PRKG1: variants seen among roughly 807,000 people sequenced by gnomAD.
PRKG1 encodes cGMP-dependent protein kinase 1.
PRKG1 carries 35 observed loss-of-function variants against 88.1 expected under a neutral mutation model. The observed-to-expected ratio is 0.40, with a 90% CI of 0.30 to 0.53. The LOEUF is 0.53. Among genes scored for constraint, PRKG1 ranks in the 20% least tolerant of loss-of-function variants. The pLI, the probability that PRKG1 is intolerant of heterozygous loss-of-function variation, is 0.59. For missense variants in PRKG1, 540 were observed against 839.8 expected, an observed-to-expected ratio of 0.64 and a Z score of 4.41; for synonymous variants, 303 against 292.5, an observed-to-expected ratio of 1.04 and a Z score of -0.37.
At chr10:51,150,061 A>T (rs554263191) in intron 1 of PRKG1, among the ~76,000 whole-genome samples, 1 of 152,282 alleles carries the variant, frequency 6.6e-6, no homozygotes, top group East Asian at 1.9e-4. Context: ...AAAAATAAAT[A>T]ATTTGTACAC....
intron 3 of PRKG1, among the ~76,000 whole-genome samples, chr10:51,748,817 T>A (rs1315008332): frequency 6.6e-6 from 1 of 152,188 alleles, no homozygotes; most frequent in Non-Finnish European, 1.5e-5. Flanking sequence ...TAACCAAACA[T>A]ATGTAACACT....
At chr10:51,260,718 C>T (rs1839683665) in intron 2 of PRKG1, among the ~76,000 whole-genome samples, 1 of 152,070 alleles carries the variant, frequency 6.6e-6, no homozygotes, top group Admixed American at 6.6e-5. Context: ...GAGCAAATAC[C>T]AAGTCCGAAA....
chr10:51,683,130 C>T (rs889630861), intron 3 of PRKG1, among the ~76,000 whole-genome samples: 30 of 152,124 alleles, frequency 2.0e-4, no homozygotes, highest in African/African-American at 7.0e-4. Flanking sequence ...ATAAGCTAAA[C>T]AAATAGCCAG....
At chr10:51,168,078 A>T (rs2132002015) in intron 2 of PRKG1, among the ~76,000 whole-genome samples, 1 of 152,330 alleles carries the variant, frequency 6.6e-6, no homozygotes, top group South Asian at 2.1e-4. Flanking sequence ...TATTTTTAGT[A>T]AACTGAAAAT....
intron 1 of PRKG1, among the ~76,000 whole-genome samples, chr10:51,121,959 A>C (rs1180975907): frequency 1.3e-5 from 2 of 152,172 alleles, no homozygotes; most frequent in Non-Finnish European, 2.9e-5. Flanking sequence ...GATTGTTGGC[A>C]CTTACCTCAA....
At chr10:51,421,868 CTTACTGCTATA>C (rs1838425317) in intron 2 of PRKG1, among the ~76,000 whole-genome samples, 3 of 152,258 alleles carry the variant, frequency 2.0e-5, no homozygotes, top group South Asian at 4.1e-4. Context: ...GTTTCTGCTA[CTTACTGCTATA>C]TTGATACTGA....
At chr10:52,042,189 A>G (rs1402929464) in intron 5 of PRKG1, among the ~76,000 whole-genome samples, 1 of 152,174 alleles carries the variant, frequency 6.6e-6, no homozygotes, top group Non-Finnish European at 1.5e-5. Flanking sequence ...CTCTCAAAAT[A>G]CTAAGGGCAT....
intron 7 of PRKG1, among the ~76,000 whole-genome samples, chr10:52,109,651 C>T (rs552751681): frequency 2.0e-5 from 3 of 151,860 alleles, no homozygotes; most frequent in East Asian, 3.9e-4. Context: ...CCTGTAATCC[C>T]AGCTACTCAG....
chr10:51,509,277 A>G (rs530775523), intron 3 of PRKG1, among the ~76,000 whole-genome samples: 35 of 152,322 alleles, frequency 2.3e-4, no homozygotes, highest in African/African-American at 8.4e-4. Flanking sequence ...TTAGAAATAC[A>G]CTTCAGCTGA....
intron 4 of PRKG1, among the ~76,000 whole-genome samples, chr10:51,904,547 T>A (rs1297872095): frequency 6.6e-6 from 1 of 152,128 alleles, no homozygotes; most frequent in Non-Finnish European, 1.5e-5. Context: ...TATCTAGTGT[T>A]TGCAGAATAT....
chr10:51,683,518 G>A (rs1429502445), intron 3 of PRKG1, among the ~76,000 whole-genome samples: 1 of 152,218 alleles, frequency 6.6e-6, no homozygotes, highest in Non-Finnish European at 1.5e-5. Flanking sequence ...CTGGCAGGGA[G>A]ATAGAAGGAA....
At chr10:51,626,771 A>G (rs1589141303) in intron 3 of PRKG1, among the ~76,000 whole-genome samples, 1 of 152,182 alleles carries the variant, frequency 6.6e-6, no homozygotes, top group Middle Eastern at 3.4e-3. Flanking sequence ...TGTTGAGATC[A>G]CTCTTGGAAA....
At chr10:51,299,716 CAT>C in intron 2 of PRKG1, 1 of 409,868 alleles carries the variant, frequency 2.4e-6, no homozygotes, top group Non-Finnish European at 4.8e-6. Context: ...GCTCTCTGCA[CAT>C]GTGTTTTTTC....
intron 4 of PRKG1, among the ~76,000 whole-genome samples, chr10:51,867,658 T>C (rs1180276567): frequency 1.3e-5 from 2 of 152,094 alleles, no homozygotes; most frequent in South Asian, 2.1e-4. Flanking sequence ...AGACTGTGAA[T>C]TGGAAAATCA....
intron 9 of PRKG1, among the ~76,000 whole-genome samples, chr10:52,164,511 T>G (rs1838376873): frequency 6.6e-6 from 1 of 152,164 alleles, no homozygotes; most frequent in Admixed American, 6.5e-5. Context: ...TCTAATCTTA[T>G]GTAAGCAACA....
chr10:51,511,400 G>T (rs141711283), intron 3 of PRKG1, among the ~76,000 whole-genome samples: 2 of 151,998 alleles, frequency 1.3e-5, no homozygotes, highest in Admixed American at 6.6e-5. Context: ...TAAAATGAAG[G>T]TACAACCCAC....
At chr10:52,249,736 T>C (rs1383334309) in intron 9 of PRKG1, among the ~76,000 whole-genome samples, 2 of 152,080 alleles carry the variant, frequency 1.3e-5, no homozygotes. Flanking sequence ...GGCACGAGAA[T>C]AGCTTGAAAC....
At chr10:51,207,146 A>G (rs1016922993) in intron 2 of PRKG1, among the ~76,000 whole-genome samples, 1 of 152,222 alleles carries the variant, frequency 6.6e-6, no homozygotes, top group Non-Finnish European at 1.5e-5. Context: ...GCTGGGAATT[A>G]GCCAGGGCAT....
At chr10:51,326,888 A>G (rs1841606387) in intron 2 of PRKG1, among the ~76,000 whole-genome samples, 1 of 152,238 alleles carries the variant, frequency 6.6e-6, no homozygotes, top group African/African-American at 2.4e-5. Context: ...AACTTATGTA[A>G]TCACATTATG....
Sources: gnomAD v4.1 joint callset for allele counts (sites outside exome capture counted in the v4.1 genomes callset) on GRCh38, gnomAD v4.1.1 for gene constraint, MANE v1.5 for transcripts, NCBI Gene and HGNC (gene_info 2026-07-23, HGNC 2026-07-21) for gene names.